MCTP1: variants seen among roughly 807,000 people sequenced by gnomAD.
MCTP1 encodes multiple C2 and transmembrane domain containing 1, also known as multiple C2 and transmembrane domain-containing protein 1.
Under a neutral mutation model 120.6 loss-of-function variants are expected in MCTP1, and 69 were observed. The observed-to-expected ratio is 0.57, with a 90% confidence interval of 0.47 to 0.70. The LOEUF is 0.70. Among genes scored for constraint, MCTP1 ranks in the 30% least tolerant of loss-of-function variants. The probability of loss-of-function intolerance (pLI) is 0.00; values close to 1 mark genes in which losing one functional copy is unlikely to be tolerated. For synonymous variants in MCTP1, 529 were observed against 493.1 expected, an observed-to-expected ratio of 1.07 and a Z score of -0.96; for missense variants, 1,203 against 1,248.8, an observed-to-expected ratio of 0.96 and a Z score of 0.55.
intron 19 of MCTP1, among the ~76,000 whole-genome samples, chr5:94,744,544 C>T (rs1580432519): frequency 6.6e-6 from 1 of 151,860 alleles, no homozygotes; most frequent in African/African-American, 2.4e-5. Context: ...TGCTCTGTCA[C>T]CCAGGCTGGA....
At position 94,873,103 on chromosome 5, in the gene MCTP1, ATT is replaced by A. The variant is rs758928055; in HGVS notation, c.2036+34_2036+35del. 4.4e-5 allele frequency: 52 copies of A among 1,182,620 alleles called. No homozygotes were observed. In the Middle Eastern group the frequency reaches 7.6e-4, roughly 17 times the overall value. 73.3% of individuals were successfully genotyped at this position (1,182,620 alleles called of 1,614,324 possible). ...TCAAAAATAAATCAAATTTAACACA[ATT>A]TTGGATTCAGAGCCCAAAGAAATGC... On this transcript the variant is annotated intron_variant, in intron 13 of 22. Coordinates refer to ENST00000515393, the MANE Select transcript of MCTP1 (RefSeq NM_024717.7).
intron 1 of MCTP1, among the ~76,000 whole-genome samples, chr5:95,114,081 C>T (rs1461318592): frequency 1.3e-5 from 2 of 152,218 alleles, no homozygotes; most frequent in African/African-American, 4.8e-5. Context: ...CCAGTCCTGG[C>T]AAGATCATCA....
At chr5:94,902,014 C>T (rs914250796) in intron 10 of MCTP1, among the ~76,000 whole-genome samples, 1 of 152,154 alleles carries the variant, frequency 6.6e-6, no homozygotes, top group Non-Finnish European at 1.5e-5. Context: ...ATGGCTAACA[C>T]GAAGGGGTCA....
chr5:94,969,078 GA>G (rs1826220235), intron 2 of MCTP1, among the ~76,000 whole-genome samples: 1 of 152,036 alleles, frequency 6.6e-6, no homozygotes, highest in South Asian at 2.1e-4. Context: ...CTAGACCTAG[GA>G]AATATCAATT....
intron 19 of MCTP1, among the ~76,000 whole-genome samples, chr5:94,741,473 G>A (rs1765522235): frequency 6.6e-6 from 1 of 152,078 alleles, no homozygotes; most frequent in South Asian, 2.1e-4. Flanking sequence ...TTCTCTTTTT[G>A]TGCCAATTAT....
At chr5:95,102,513 C>T (rs563867402) in intron 1 of MCTP1, among the ~76,000 whole-genome samples, 1 of 152,288 alleles carries the variant, frequency 6.6e-6, no homozygotes, top group South Asian at 2.1e-4. Context: ...ACCACAGTAC[C>T]AGGCATTTAG....
At chr5:95,081,564 G>T in intron 1 of MCTP1, 1 of 1,514,462 alleles carries the variant, frequency 6.6e-7, no homozygotes. Context: ...CTGAATACCG[G>T]CAAAAGAGGC....
At chr5:95,199,410 G>C (rs562260107) in intron 1 of MCTP1, among the ~76,000 whole-genome samples, 1 of 152,110 alleles carries the variant, frequency 6.6e-6, no homozygotes, top group African/African-American at 2.4e-5. Context: ...TTAAAAAATA[G>C]GCAGAGGATC....
At chr5:95,056,299 T>C (rs1747380011) in intron 1 of MCTP1, among the ~76,000 whole-genome samples, 1 of 152,204 alleles carries the variant, frequency 6.6e-6, no homozygotes, top group Non-Finnish European at 1.5e-5. Context: ...AGGCATATCT[T>C]GCTAACATGA....
chr5:95,242,678 A>C (rs1017569203), intron 1 of MCTP1, among the ~76,000 whole-genome samples: 1 of 152,202 alleles, frequency 6.6e-6, no homozygotes, highest in African/African-American at 2.4e-5. Flanking sequence ...ACTTATATAA[A>C]ATTCTAGGAA....
intron 1 of MCTP1, among the ~76,000 whole-genome samples, chr5:95,168,416 T>TC (rs1231076215): frequency 6.6e-6 from 1 of 152,204 alleles, no homozygotes; most frequent in Non-Finnish European, 1.5e-5. Context: ...AAAGTAGTTT[T>TC]TTCCAATTCT....
intron 2 of MCTP1, among the ~76,000 whole-genome samples, chr5:94,966,805 A>C (rs889752589): frequency 6.4e-4 from 98 of 152,044 alleles, no homozygotes; most frequent in Middle Eastern, 3.4e-3. Flanking sequence ...GAAAAAAAAA[A>C]AACAACAAAA....
At chr5:95,005,976 T>G (rs309803) in intron 2 of MCTP1, among the ~76,000 whole-genome samples, 142,165 of 152,054 alleles carry the variant, frequency 0.93, 67,195 homozygotes, top group East Asian at 1. Context: ...TCATTGCAGG[T>G]TGTGCTCACA....
At chr5:94,863,625 T>A (rs1170620346) in intron 17 of MCTP1, among the ~76,000 whole-genome samples, 1 of 151,902 alleles carries the variant, frequency 6.6e-6, no homozygotes, top group Non-Finnish European at 1.5e-5. Flanking sequence ...TGATCCTTGA[T>A]CACGAAAGAC....
At chr5:94,759,743 C>A (rs1295532320) in intron 19 of MCTP1, among the ~76,000 whole-genome samples, 2 of 151,986 alleles carry the variant, frequency 1.3e-5, no homozygotes, top group East Asian at 3.9e-4. Context: ...ACCTGTGTTA[C>A]TTAAATGCCA....
chr5:94,821,550 T>G (rs1250628648), intron 17 of MCTP1, among the ~76,000 whole-genome samples: 1 of 152,242 alleles, frequency 6.6e-6, no homozygotes, highest in Non-Finnish European at 1.5e-5. Context: ...TAATATTGTA[T>G]GTATATTTGT....
In MCTP1 at chr5:94,752,631, T is replaced by A. The variant is rs190487647; in HGVS notation, c.2610+26479A>T. Reference sequence around the variant, plus strand: ...TATTTTGAAAACTAGGATGTTTTTTTAAAAAAATCTACTCAAACTTACCTG... The same window carrying A: ...TATTTTGAAAACTAGGATGTTTTTTAAAAAAAATCTACTCAAACTTACCTG... On this transcript the variant is annotated intron_variant, in intron 19 of 22. Transcript: ENST00000515393. Among the ~76,000 whole-genome samples, 640 of 152,196 alleles carry A rather than the reference T, an allele frequency of 4.2e-3. 2 individuals are homozygous for A. Among genetic ancestry groups the A allele is most frequent in the African/African-American group, 0.014 (597 of 41,508 alleles).
intron 1 of MCTP1, among the ~76,000 whole-genome samples, chr5:95,129,312 T>C (rs1477114708): frequency 6.6e-6 from 1 of 152,242 alleles, no homozygotes; most frequent in Non-Finnish European, 1.5e-5. Context: ...GGGATAAATG[T>C]AACTCAGAAA....
At chr5:94,786,944 A>G (rs1777856173) in intron 18 of MCTP1, among the ~76,000 whole-genome samples, 1 of 152,200 alleles carries the variant, frequency 6.6e-6, no homozygotes, top group South Asian at 2.1e-4. Context: ...AATAAAATTT[A>G]AATGCTTGAT....
Sources: allele counts gnomAD v4.1 joint callset (sites outside exome capture counted in the v4.1 genomes callset), GRCh38; gene constraint gnomAD v4.1.1; transcripts MANE v1.5; gene names NCBI Gene and HGNC (gene_info 2026-07-23, HGNC 2026-07-21).